Variants in ESR1 observed in about 807,000 individuals in gnomAD.
ESR1 encodes the protein estrogen receptor.
Under a neutral mutation model 52.7 loss-of-function variants are expected in ESR1, and 12 were observed. That is an observed-to-expected ratio of 0.23 (90% CI 0.15 to 0.37). ESR1 has a LOEUF of 0.37. Ranked by LOEUF, ESR1 falls within the 10% of genes least tolerant of loss-of-function variation. The pLI is 1.00. For synonymous variants in ESR1, 305 were observed against 316.8 expected (o/e 0.96, Z 0.39); for missense variants, 584 against 779.7 (o/e 0.75, Z 2.99).
chr6:152,084,016 C>A (rs1336990548), intron 6 of ESR1, among the ~76,000 whole-genome samples: 2 of 152,156 alleles, frequency 1.3e-5, no homozygotes, highest in African/African-American at 4.8e-5. Context: ...AGACTTGGAA[C>A]CAACCCAAAT....
intron 2 of ESR1, among the ~76,000 whole-genome samples, chr6:151,865,181 C>A (rs1416549795): frequency 1.3e-5 from 2 of 151,936 alleles, no homozygotes; most frequent in African/African-American, 4.8e-5. Flanking sequence ...ACACACACAC[C>A]CCACACATAG....
At chr6:151,820,995 G>A (rs1376219858) in intron 1 of ESR1, among the ~76,000 whole-genome samples, 1 of 152,046 alleles carries the variant, frequency 6.6e-6, no homozygotes, top group Non-Finnish European at 1.5e-5. Flanking sequence ...TCATAGTATT[G>A]TCATCTAGGA....
At chr6:151,816,003 G>A (rs1030234886) in intron 1 of ESR1, among the ~76,000 whole-genome samples, 2 of 152,212 alleles carry the variant, frequency 1.3e-5, no homozygotes, top group Admixed American at 6.5e-5. Context: ...CGTGTCTTAA[G>A]AGAAAATACG....
At chr6:151,778,150 GA>G (rs1786191294) in intron 2 of ESR1, among the ~76,000 whole-genome samples, 1 of 152,078 alleles carries the variant, frequency 6.6e-6, no homozygotes, top group South Asian at 2.1e-4. Flanking sequence ...TTGTTTTTAA[GA>G]AGAGAAATGT....
rs773118742 is a variant in ESR1, at chr6:151,812,403, TA to T, written c.452+4041del. ...AATCTTTTCCTGTGAAAGTCAAATT[TA>T]AGTAAAATCTTTATCACCATCTGCA... On this transcript the variant is annotated intron_variant, in intron 1 of 7. Transcript: ENST00000206249. Among the ~76,000 whole-genome samples, 16 of 152,314 alleles carry T rather than the reference TA, an allele frequency of 1.1e-4. No homozygotes were observed. In the South Asian group the frequency reaches 1.2e-3, roughly 12 times the overall value.
Position 151,798,247 on chromosome 6 carries a change from C to G in ESR1, c.-70-9596C>G, listed in dbSNP as rs1205222090. 2.0e-5 allele frequency among the ~76,000 whole-genome samples: 3 copies of G among 151,798 alleles called. No homozygotes were observed. The East Asian group carries it at 5.8e-4, about 29-fold the overall frequency. On this transcript the variant is annotated intron_variant, in intron 2 of 2. Transcript: ENST00000404742. ...TAGAATTCTGGGTCTCATTAAGTGA[C>G]CCATGTTGAATAGAGATTGGATAGG... is the stretch of plus-strand genomic sequence containing the variant.
chr6:151,745,802 T>C (rs1443865286), intron 2 of ESR1, among the ~76,000 whole-genome samples: 3 of 152,186 alleles, frequency 2.0e-5, no homozygotes, highest in Non-Finnish European at 4.4e-5. Flanking sequence ...TAAAGCAGTT[T>C]ACTAGTGTTA....
At position 151,891,627 on chromosome 6, in the gene ESR1, G is replaced by A. The variant is rs550922085; in HGVS notation, c.760+10856G>A. On this transcript the variant is annotated intron_variant, in intron 3 of 7. Transcript: ENST00000206249. Reference sequence around the variant, plus strand: ...ATCACTAAGCTAAGTTAACTGCTCAGACAGGAAACCAAGTCTCCTGACCCA... The same window carrying A: ...ATCACTAAGCTAAGTTAACTGCTCAAACAGGAAACCAAGTCTCCTGACCCA... 2.0e-5 allele frequency among the ~76,000 whole-genome samples: 3 copies of A among 152,224 alleles called. No individual in the cohort carries two copies. The South Asian group carries it at 6.2e-4, about 32-fold the overall frequency.
chr6:151,919,790 C>T lies in ESR1; in HGVS notation c.761-24383C>T, dbSNP rs2031208791. Among the ~76,000 whole-genome samples, 5 of 152,220 alleles carry T rather than the reference C, an allele frequency of 3.3e-5. No individual in the cohort carries two copies. The South Asian group carries it at 1.0e-3, about 32-fold the overall frequency. On this transcript the variant is annotated intron_variant, in intron 3 of 7. Transcript: ENST00000206249. The stretch of plus-strand genomic sequence containing the variant: ...TGAGAAAACTTACTTGAGGAAGGAA[C>T]ATTTGGCTGAACTCAAAGAGATGAG...
intron 3 of ESR1, among the ~76,000 whole-genome samples, chr6:151,930,314 G>A (rs1284882319): frequency 1.3e-5 from 2 of 152,068 alleles, no homozygotes; most frequent in African/African-American, 4.8e-5. Context: ...AATTTTTGTA[G>A]TGGTGCCGCT....
At chr6:151,755,101 T>C (rs1464498272) in intron 2 of ESR1, among the ~76,000 whole-genome samples, 4 of 151,626 alleles carry the variant, frequency 2.6e-5, no homozygotes, top group Non-Finnish European at 4.4e-5. Flanking sequence ...TCCCAGTTAC[T>C]GGGGAGGCTG....
intron 3 of ESR1, among the ~76,000 whole-genome samples, chr6:151,887,206 G>T (rs1030930641): frequency 2.0e-5 from 3 of 152,020 alleles, no homozygotes; most frequent in Non-Finnish European, 1.5e-5. Context: ...GTAGGTTGGG[G>T]TGCTCCTATT....
chr6:151,915,193 CAA>C (rs200034289), intron 3 of ESR1, among the ~76,000 whole-genome samples: 3 of 129,908 alleles, frequency 2.3e-5, no homozygotes, highest in Admixed American at 7.9e-5. Flanking sequence ...GATTCCGTCT[CAA>C]AAAAAAAAAA....
chr6:151,731,292 G>T (rs909903440), intron 2 of ESR1, among the ~76,000 whole-genome samples: 1 of 151,946 alleles, frequency 6.6e-6, no homozygotes, highest in Non-Finnish European at 1.5e-5. Context: ...GGAGGTGGAG[G>T]TTGCAGTGAG....
At chr6:151,659,333 A>G (rs553847704) in intron 1 of ESR1, among the ~76,000 whole-genome samples, 66 of 152,294 alleles carry the variant, frequency 4.3e-4, no homozygotes, top group South Asian at 2.1e-4. Context: ...AGTATTGACC[A>G]TTAGAGGAGA....
chr6:152,061,664 C>T lies in ESR1; in HGVS notation c.1369+540C>T, dbSNP rs2047553954. Reference sequence around the variant, plus strand: ...GCTGAAAGAACATTTTCCATTTGCTCTATGAAGTCTGATTCTACTGCCCCT... The same window carrying T: ...GCTGAAAGAACATTTTCCATTTGCTTTATGAAGTCTGATTCTACTGCCCCT... On this transcript the variant is annotated intron_variant, in intron 6 of 7. Transcript: ENST00000206249. The surrounding 1 kb of genome is among the most constrained non-coding windows in gnomAD (Gnocchi z 4.3). Among the ~76,000 whole-genome samples, 1 of 152,216 alleles carries T rather than the reference C, an allele frequency of 6.6e-6. No homozygotes were observed. The highest frequency in any genetic ancestry group is 2.4e-5 in the African/African-American group (1 of 41,454).
chr6:152,089,696 A>G lies in ESR1; in HGVS notation c.1370-4689A>G, dbSNP rs1228733405. ...CAGGTCCAAGTGATTCTCCTGCCTC[A>G]GCCTCCCGAGTAGCTGGGATTACAG... is the stretch of plus-strand genomic sequence containing the variant. On this transcript the variant is annotated intron_variant, in intron 6 of 7. Coordinates refer to ENST00000206249, the MANE Select transcript of ESR1 (RefSeq NM_000125.4). Among the ~76,000 whole-genome samples, 3 of 152,116 alleles carry G rather than the reference A, an allele frequency of 2.0e-5. No individual in the cohort carries two copies. In the East Asian group the frequency reaches 5.8e-4, roughly 29 times the overall value.
intron 2 of ESR1, among the ~76,000 whole-genome samples, chr6:151,748,307 C>T (rs993587588): frequency 1.9e-4 from 29 of 152,064 alleles, no homozygotes; most frequent in Non-Finnish European, 3.8e-4. Flanking sequence ...GCACATATGA[C>T]GTATCCCTAG....
In ESR1 at chr6:151,842,807, G is replaced by A. The variant is rs757209337; in HGVS notation, c.643+20G>A. The A allele has an allele frequency of 2.5e-6, 4 of 1,610,428 alleles. No individual in the cohort carries two copies. The highest frequency in any genetic ancestry group is 2.7e-5 in the African/African-American group (2 of 74,866). On this transcript the variant is annotated intron_variant, in intron 2 of 7. Coordinates refer to ENST00000206249, the MANE Select transcript of ESR1 (RefSeq NM_000125.4). ...TTCAAGGTAATAGTGTGTTGAAAAC[G>A]ACTTCTATTTTTGATCCTATGAGCA...
Sources: gnomAD v4.1 joint callset for allele counts (sites outside exome capture counted in the v4.1 genomes callset) on GRCh38, gnomAD v4.1.1 for gene constraint, Gnocchi (gnomAD v3.1) non-coding constraint, MANE v1.5 for transcripts, NCBI Gene and HGNC (gene_info 2026-07-23, HGNC 2026-07-21) for gene names.